Variants in RAI1 observed in about 807,000 individuals in gnomAD.
The protein encoded by RAI1 is retinoic acid-induced protein 1.
A neutral mutation model predicts 123.8 loss-of-function variants in RAI1; 9 were observed. That is an observed-to-expected ratio of 0.07 (90% confidence interval 0.04 to 0.13). The LOEUF (loss-of-function observed/expected upper bound fraction) is 0.13. Among genes scored for constraint, RAI1 ranks in the 10% least tolerant of loss-of-function variants. The probability of loss-of-function intolerance (pLI) is 1.00; values close to 1 mark genes in which losing one functional copy is unlikely to be tolerated. For missense variants in RAI1, 2,256 were observed against 2,545.8 expected, an observed-to-expected ratio of 0.89 and a Z score of 2.45; for synonymous variants, 1,231 against 1,127.3, an observed-to-expected ratio of 1.09 and a Z score of -1.84.
At chr17:17,768,263 G>A (rs1339587328) in intron 2 of RAI1, among the ~76,000 whole-genome samples, 1 of 152,208 alleles carries the variant, frequency 6.6e-6, no homozygotes, top group Non-Finnish European at 1.5e-5. Context: ...CCCAGGGCTG[G>A]CGCTCAGAAA....
intron 2 of RAI1, chr17:17,777,519 A>C (rs1304393159): frequency 6.6e-6 from 1 of 152,282 alleles, no homozygotes; most frequent in African/African-American, 2.4e-5. Flanking sequence ...TGCCTAGGAC[A>C]GTGCCTGGAA....
chr17:17,787,481 A>G (rs2031866406), intron 2 of RAI1, among the ~76,000 whole-genome samples: 1 of 152,218 alleles, frequency 6.6e-6, no homozygotes, highest in South Asian at 2.1e-4. Flanking sequence ...TATTGTCCAC[A>G]AGAGACTGAT....
intron 1 of RAI1, chr17:17,682,411 G>A (rs1334310935): frequency 6.6e-6 from 1 of 151,078 alleles, no homozygotes; most frequent in Non-Finnish European, 1.5e-5. Flanking sequence ...CGCGACCTGG[G>A]GAGCTCTGTA....
At chr17:17,798,646 A>C (rs1258906184) in intron 3 of RAI1, 133 bp downstream of exon 3, 1 of 1,450,820 alleles carries the variant, frequency 6.9e-7, no homozygotes, top group African/African-American at 1.4e-5. Context: ...CAATCTGCAG[A>C]GTCCTGAGCC....
At chr17:17,705,680 C>T (rs192205254) in intron 1 of RAI1, among the ~76,000 whole-genome samples, 6 of 152,096 alleles carry the variant, frequency 3.9e-5, no homozygotes, top group East Asian at 3.9e-4. Context: ...GAGCTGAGAT[C>T]GCACCACTCT....
intron 2 of RAI1, among the ~76,000 whole-genome samples, chr17:17,792,015 G>T (rs1366155082): frequency 6.6e-6 from 1 of 152,172 alleles, no homozygotes; most frequent in Non-Finnish European, 1.5e-5. Context: ...TGGCCAGGAG[G>T]GGACAGGGCT....
At chr17:17,723,716 C>G (rs1223217499) in intron 1 of RAI1, among the ~76,000 whole-genome samples, 1 of 149,286 alleles carries the variant, frequency 6.7e-6, no homozygotes. Context: ...CCTCCCTTCC[C>G]CCGAGTCTGG....
intron 2 of RAI1, among the ~76,000 whole-genome samples, chr17:17,729,039 A>C (rs1165797512): frequency 6.6e-6 from 1 of 152,142 alleles, no homozygotes; most frequent in African/African-American, 2.4e-5. Context: ...GTGACTCACT[A>C]GCCTGGAGCA....
intron 2 of RAI1, chr17:17,778,558 C>T (rs1001002729): frequency 8.3e-6 from 3 of 361,908 alleles, no homozygotes; most frequent in African/African-American, 2.1e-5. Flanking sequence ...GAGCTGACCC[C>T]GGCACCAGAG....
intron 1 of RAI1, among the ~76,000 whole-genome samples, chr17:17,716,350 G>T (rs924317560): frequency 1.3e-5 from 2 of 152,250 alleles, no homozygotes; most frequent in African/African-American, 4.8e-5. Context: ...TCTACATAGA[G>T]AAATCTCCGT....
chr17:17,796,925 G>T lies in RAI1; in HGVS notation c.3977G>T (p.Gly1326Val). 6.2e-7 allele frequency: 1 copy of T among 1,613,470 alleles called. No individual in the cohort carries two copies. The highest frequency in any genetic ancestry group is 8.5e-7 in the Non-Finnish European group (1 of 1,180,030). ...TKVLPPRKGR[G>V]LKLEAIVQKI... is the part of the protein sequence containing the mutation. ...GTGCTGCCACCCCGGAAGGGCCGGG[G>T]CCTGAAGCTGGAAGCCATCGTGCAG... The change falls in exon 3 of 6, where the codon GGC (glycine) becomes GTC (valine). Residue 1326 changes from glycine (G) to valine (V), a missense_variant. Around this residue, in one of 7 missense-constraint regions of RAI1, gnomAD observed 322 missense variants for 358.0 expected, o/e 0.90. Transcript: ENST00000353383. The surrounding 1 kb of genome is among the most constrained non-coding windows in gnomAD (Gnocchi z 5.8).
At position 17,800,166 on chromosome 17, in the gene RAI1, T is replaced by TTCTGTCTCTC. The variant is rs1555566531; in HGVS notation, c.5565+1667_5565+1676dup. On this transcript the variant is annotated intron_variant, in intron 3 of 5. Transcript: ENST00000353383. This position sits in a 1 kb window ranked among gnomAD's most constrained non-coding sequence, Gnocchi z 4.7. ...AGTGATTTTTTGCCTCTCTCCTGCT[T>TTCTGTCTCTC]TCTGTCTCTCTCTGTCTCTCTCTCT... Among the ~76,000 whole-genome samples, 17,665 of 85,398 alleles carry TTCTGTCTCTC rather than the reference T, an allele frequency of 0.21. 3,739 individuals are homozygous for TTCTGTCTCTC. Among genetic ancestry groups the TTCTGTCTCTC allele is most frequent in the Non-Finnish European group, 0.29 (12,581 of 43,342 alleles). The allele number at this position is 85,398 out of a possible 152,430, so 56.0% of individuals were successfully genotyped here. A position where few individuals can be genotyped will look rare whatever the true frequency, so the allele number is the denominator to read the frequency against.
At chr17:17,692,540 A>T (rs1481002323) in intron 1 of RAI1, among the ~76,000 whole-genome samples, 1 of 152,232 alleles carries the variant, frequency 6.6e-6, no homozygotes, top group Non-Finnish European at 1.5e-5. Flanking sequence ...CTAGGATTAG[A>T]AATCACATCC....
Position 17,803,763 on chromosome 17 carries a change from C to A in RAI1, c.5573C>A (p.Ser1858Tyr), listed in dbSNP as rs770450464. 1.9e-6 allele frequency: 3 copies of A among 1,613,280 alleles called. No individual in the cohort carries two copies. The South Asian group carries it at 3.3e-5, about 18-fold the overall frequency. Residue 1858 changes from serine to tyrosine, a missense_variant, in exon 4 of 6, where the codon TCC becomes TAC. By Grantham distance (144) the Ser-to-Tyr change is moderately radical. Coordinates refer to ENST00000353383, the MANE Select transcript of RAI1 (RefSeq NM_030665.4). ...AMKVAVDMMCSSCQEAGATIG... is the reference protein window; with the variant it reads ...AMKVAVDMMCYSCQEAGATIG... ...TTCCTTTCTCTTCATCAGATGTGTT[C>A]CAGCTGCCAAGAAGCCGGGGCCACC...
In RAI1 at chr17:17,799,459, C is replaced by T. The variant is rs2032383664; in HGVS notation, c.5565+946C>T. Reference sequence around the variant, plus strand: ...TCAGTGGGGGCGGTGGGGTGCACCTCTCCCCCGGGGCCATGCTTCTGCCCC... The same window carrying T: ...TCAGTGGGGGCGGTGGGGTGCACCTTTCCCCCGGGGCCATGCTTCTGCCCC... On this transcript the variant is annotated intron_variant, in intron 3 of 5. Coordinates refer to ENST00000353383, the MANE Select transcript of RAI1 (RefSeq NM_030665.4). This position sits in a 1 kb window ranked among gnomAD's most constrained non-coding sequence, Gnocchi z 4.5. Among the ~76,000 whole-genome samples the T allele has an allele frequency of 1.3e-5, 2 of 152,100 alleles. No homozygotes were observed.
chr17:17,690,528 C>G (rs1460011824), intron 1 of RAI1, among the ~76,000 whole-genome samples: 1 of 152,198 alleles, frequency 6.6e-6, no homozygotes, highest in South Asian at 2.1e-4. Flanking sequence ...GCTCCCTAAG[C>G]CCGTTTCCTC....
intron 2 of RAI1, among the ~76,000 whole-genome samples, chr17:17,767,512 C>T (rs1426331983): frequency 1.3e-5 from 2 of 152,194 alleles, no homozygotes; most frequent in African/African-American, 4.8e-5. Flanking sequence ...TGCATTTCCA[C>T]CCAGTTTGTT....
At chr17:17,783,584 C>A (rs887189978) in intron 2 of RAI1, among the ~76,000 whole-genome samples, 1 of 152,194 alleles carries the variant, frequency 6.6e-6, no homozygotes, top group African/African-American at 2.4e-5. Flanking sequence ...GCGCTGCTCC[C>A]CGTCCCCCTC....
chr17:17,731,278 G>A (rs1916262367), intron 2 of RAI1, among the ~76,000 whole-genome samples: 1 of 152,244 alleles, frequency 6.6e-6, no homozygotes, highest in Non-Finnish European at 1.5e-5. Flanking sequence ...CTTCCACAGT[G>A]TCTGCTGATG....
Sources: gnomAD v4.1 joint callset for allele counts (sites outside exome capture counted in the v4.1 genomes callset) on GRCh38, gnomAD v4.1.1 for gene constraint, gnomAD v4.1.1 regional missense constraint, Gnocchi (gnomAD v3.1) non-coding constraint, MANE v1.5 for transcripts, NCBI Gene and HGNC (gene_info 2026-07-23, HGNC 2026-07-21) for gene names.